USP54: variants seen among roughly 807,000 people sequenced by gnomAD.
The protein encoded by USP54 is ubiquitin specific peptidase 54.
A neutral mutation model predicts 170.5 loss-of-function variants in USP54; 87 were observed. The observed-to-expected ratio is 0.51, with a 90% CI of 0.43 to 0.61. USP54 has a LOEUF of 0.61. USP54 is among the 20% of genes least tolerant of loss of function. The pLI is 0.00. For synonymous variants in USP54, 655 were observed against 742.8 expected, an observed-to-expected ratio of 0.88 and a Z score of 1.92; for missense variants, 1,786 against 2,047.8, an observed-to-expected ratio of 0.87 and a Z score of 2.47.
intron 20 of USP54, chr10:73,506,295 C>T (rs2059120933): frequency 6.6e-6 from 1 of 152,222 alleles, no homozygotes; most frequent in African/African-American, 2.4e-5. Flanking sequence ...ATATGTAATG[C>T]TCTTTTCCCC....
chr10:73,556,104 G>A (rs2070913582), intron 4 of USP54, among the ~76,000 whole-genome samples: 1 of 152,076 alleles, frequency 6.6e-6, no homozygotes, highest in Non-Finnish European at 1.5e-5. Context: ...TCAAGTAGAT[G>A]ATATTTGGAT....
At chr10:73,520,856 T>A in intron 18 of USP54, 52 bp downstream of exon 18, 2 of 1,612,360 alleles carry the variant, frequency 1.2e-6, no homozygotes, top group Non-Finnish European at 1.7e-6. Flanking sequence ...TAATAATACC[T>A]ATTGTGAAGT....
chr10:73,571,646 A>G, intron 3 of USP54, 133 bp from the exon 4 acceptor site: 1 of 605,088 alleles, frequency 1.7e-6, no homozygotes, highest in Non-Finnish European at 2.8e-6. Flanking sequence ...TCATTCTAGT[A>G]TATTAAAACA....
chr10:73,598,913 T>C (rs2078954949), intron 1 of USP54, among the ~76,000 whole-genome samples: 1 of 149,984 alleles, frequency 6.7e-6, no homozygotes, highest in Non-Finnish European at 1.5e-5. Flanking sequence ...AGAGAGACTC[T>C]GTCTCAAACA....
intron 22 of USP54, 41 bp downstream of exon 22, chr10:73,504,809 G>A: frequency 6.2e-7 from 1 of 1,613,678 alleles, no homozygotes; most frequent in Non-Finnish European, 8.5e-7. Flanking sequence ...GCTTAGCAAG[G>A]AGGAGGGTGC....
chr10:73,516,029 G>A (rs1372700753), intron 20 of USP54: 8 of 178,260 alleles, frequency 4.5e-5, no homozygotes, highest in South Asian at 4.5e-4. Context: ...TGATCTGCCC[G>A]CCTCGACCTC....
chr10:73,590,204 C>T (rs1044672575), intron 1 of USP54, among the ~76,000 whole-genome samples: 1 of 152,144 alleles, frequency 6.6e-6, no homozygotes, highest in African/African-American at 2.4e-5. Flanking sequence ...TGTAGAGGGA[C>T]AATACTACTA....
upstream of USP54, among the ~76,000 whole-genome samples, chr10:73,595,838 G>C (rs187191086): frequency 6.6e-6 from 1 of 152,022 alleles, no homozygotes. Flanking sequence ...AGCCGGGCGC[G>C]GTGGCTCACG....
At chr10:73,555,659 C>T (rs966278910) in intron 4 of USP54, among the ~76,000 whole-genome samples, 1 of 152,098 alleles carries the variant, frequency 6.6e-6, no homozygotes, top group Admixed American at 6.5e-5. Flanking sequence ...CTAATTTTTG[C>T]CAAGATCAAA....
At chr10:73,596,373 T>C (rs1019240143) in intron 1 of USP54, among the ~76,000 whole-genome samples, 6 of 151,914 alleles carry the variant, frequency 3.9e-5, no homozygotes, top group Non-Finnish European at 8.8e-5. Flanking sequence ...CTGGCTAACA[T>C]AGTGAAACCC....
chr10:73,624,175 TATATATATATA>T (rs1429597036), intron 1 of USP54, among the ~76,000 whole-genome samples: 2,473 of 116,444 alleles, frequency 0.021, 77 homozygotes, highest in East Asian at 0.076. Context: ...TATATATATA[TATATATATATA>T]TATATATATG....
In USP54 at chr10:73,623,673, C is replaced by A. The variant is rs79955661; in HGVS notation, c.-18+1894G>T. Among the ~76,000 whole-genome samples the A allele has an allele frequency of 1.1e-3, 167 of 152,276 alleles. 3 individuals carry two copies. In the East Asian group the frequency reaches 0.027, roughly 24 times the overall value. ...TGCAAAACAAACAAACAAACAAATT[C>A]TTTGTCCTGTCAACTACTATATAAA... On this transcript the variant is annotated intron_variant, in intron 1 of 22. Coordinates refer to the USP54 transcript ENST00000339859.
intron 12 of USP54, among the ~76,000 whole-genome samples, chr10:73,532,238 T>G (rs1182689609): frequency 6.6e-6 from 1 of 151,990 alleles, no homozygotes; most frequent in South Asian, 2.1e-4. Context: ...AGTGGTGCGA[T>G]CTCAACTCAC....
At chr10:73,508,455 G>C (rs1003353098) in intron 20 of USP54, among the ~76,000 whole-genome samples, 9 of 151,124 alleles carry the variant, frequency 6.0e-5, no homozygotes, top group Non-Finnish European at 2.9e-5. Context: ...CCATTTGTAA[G>C]GGAATTTCTA....
intron 1 of USP54, among the ~76,000 whole-genome samples, chr10:73,577,768 A>C (rs2076315696): frequency 6.6e-6 from 1 of 152,236 alleles, no homozygotes; most frequent in Non-Finnish European, 1.5e-5. Context: ...TTACAGTGCC[A>C]GTCATAAGAA....
At chr10:73,606,439 T>G (rs1564956563) in intron 1 of USP54, 1 of 152,206 alleles carries the variant, frequency 6.6e-6, no homozygotes, top group Non-Finnish European at 1.5e-5. Flanking sequence ...GAGTACAGCC[T>G]GGGCAACACA....
chr10:73,619,364 G>T (rs560210413), intron 1 of USP54, among the ~76,000 whole-genome samples: 1 of 149,824 alleles, frequency 6.7e-6, no homozygotes, highest in South Asian at 2.1e-4. Flanking sequence ...CGTAGCTGGG[G>T]TTACAGGTGC....
At chr10:73,517,940 A>G (rs540450447) in intron 19 of USP54, among the ~76,000 whole-genome samples, 193 bp from the exon 20 acceptor site, 5 of 152,360 alleles carry the variant, frequency 3.3e-5, no homozygotes, top group African/African-American at 1.2e-4. Flanking sequence ...GCTCACACTC[A>G]GGTAAATAGG....
At chr10:73,533,364 A>G (rs1201321533) in intron 12 of USP54, among the ~76,000 whole-genome samples, 5 of 152,144 alleles carry the variant, frequency 3.3e-5, no homozygotes, top group African/African-American at 4.8e-5. Flanking sequence ...TTGAGCAAAC[A>G]TAAGATATAT....
Sources: allele counts gnomAD v4.1 joint callset (sites outside exome capture counted in the v4.1 genomes callset), GRCh38; gene constraint gnomAD v4.1.1; transcripts MANE v1.5; gene names NCBI Gene and HGNC (gene_info 2026-07-23, HGNC 2026-07-21).